Variants in NEBL observed in about 807,000 individuals in gnomAD.
NEBL encodes LIM and SH3 protein 2.
NEBL carries 122 observed loss-of-function variants against 140.2 expected under a neutral mutation model. The ratio of observed to expected loss-of-function variants is 0.87; its 90% CI spans 0.75 to 1.01. The LOEUF (loss-of-function observed/expected upper bound fraction) is 1.01, where lower values mean the gene tolerates loss of function less well. Among genes scored for constraint, NEBL ranks in the 50% least tolerant of loss-of-function variants. The pLI is 0.00. For missense variants in NEBL, 1,365 were observed against 1,231.3 expected (o/e 1.11, Z -1.62); for synonymous variants, 436 against 398.9 (o/e 1.09, Z -1.11).
At chr10:21,280,233 A>C (rs546758792) in intron 1 of NEBL, among the ~76,000 whole-genome samples, 1 of 152,290 alleles carries the variant, frequency 6.6e-6, no homozygotes, top group East Asian at 1.9e-4. Context: ...GGCCGAAGTC[A>C]CATGACCATC....
intron 4 of NEBL, among the ~76,000 whole-genome samples, chr10:20,908,424 C>A (rs1848190398): frequency 6.6e-6 from 1 of 152,104 alleles, no homozygotes; most frequent in African/African-American, 2.4e-5. Flanking sequence ...ACAATCTGGT[C>A]CCTGTGATCA....
intron 3 of NEBL, among the ~76,000 whole-genome samples, chr10:21,208,236 T>C (rs1296764410): frequency 6.6e-6 from 1 of 152,190 alleles, no homozygotes; most frequent in Non-Finnish European, 1.5e-5. Flanking sequence ...ATGACTCAGC[T>C]CATGGGGGTC....
At chr10:20,880,671 G>A in intron 5 of NEBL, 123 bp downstream of exon 5, 1 of 775,140 alleles carries the variant, frequency 1.3e-6, no homozygotes, top group Non-Finnish European at 2.3e-6. Context: ...TGACTGATAA[G>A]AAATATTAAA....
chr10:20,963,003 A>AAC (rs35031266), intron 3 of NEBL, among the ~76,000 whole-genome samples: 6,932 of 143,198 alleles, frequency 0.048, 305 homozygotes, highest in East Asian at 0.18. Context: ...TTGAAAGAAA[A>AAC]ACACACACAC....
intron 2 of NEBL, among the ~76,000 whole-genome samples, chr10:21,054,868 GAGTTAATTACCC>G (rs1423237031): frequency 6.6e-6 from 1 of 152,142 alleles, no homozygotes; most frequent in Non-Finnish European, 1.5e-5. Flanking sequence ...TGAAACTTGA[GAGTTAATTACCC>G]AGGCACTGCA....
At chr10:20,822,807 T>C (rs1839469170) in intron 19 of NEBL, among the ~76,000 whole-genome samples, 1 of 152,148 alleles carries the variant, frequency 6.6e-6, no homozygotes, top group Admixed American at 6.6e-5. Context: ...TATTATAGAT[T>C]CAAAGGTACA....
At chr10:20,863,145 T>C (rs1306868001) in intron 7 of NEBL, among the ~76,000 whole-genome samples, 1 of 152,168 alleles carries the variant, frequency 6.6e-6, no homozygotes, top group Non-Finnish European at 1.5e-5. Flanking sequence ...TCCCCATAAC[T>C]GCACAACTTC....
Position 20,837,642 on chromosome 10 carries a change from C to T in NEBL, c.1339-2019G>A, listed in dbSNP as rs114966199. Among the ~76,000 whole-genome samples the T allele has an allele frequency of 3.9e-3, 596 of 152,240 alleles. 8 individuals are homozygous for T. Among genetic ancestry groups the T allele is most frequent in the African/African-American group, 0.014 (561 of 41,526 alleles). On this transcript the variant is annotated intron_variant, in intron 13 of 27. Transcript: ENST00000377122. ...CAACAGATTTTTGATGCAGACAAAC[C>T]AGCCTTCTATTGGAAAAAGATGCCA...
At chr10:21,195,181 C>A (rs1841628995) in intron 3 of NEBL, among the ~76,000 whole-genome samples, 1 of 152,120 alleles carries the variant, frequency 6.6e-6, no homozygotes, top group South Asian at 2.1e-4. Context: ...TCAATCCAAG[C>A]AGTCACCCTA....
chr10:21,020,441 G>A (rs544134962), intron 2 of NEBL, among the ~76,000 whole-genome samples: 2 of 151,840 alleles, frequency 1.3e-5, no homozygotes, highest in African/African-American at 4.8e-5. Context: ...TTTTCTAAGC[G>A]CATCTTCACC....
chr10:20,895,514 A>G (rs1326667667), intron 2 of NEBL, among the ~76,000 whole-genome samples: 5 of 152,170 alleles, frequency 3.3e-5, no homozygotes, highest in African/African-American at 7.2e-5. Context: ...CCTAGCGCCT[A>G]CCTCGCAAGC....
chr10:20,916,519 A>G (rs1308597378), intron 4 of NEBL, among the ~76,000 whole-genome samples: 1 of 152,022 alleles, frequency 6.6e-6, no homozygotes, highest in Non-Finnish European at 1.5e-5. Context: ...AGACTCTCCT[A>G]CCTCAGCCTC....
intron 1 of NEBL, among the ~76,000 whole-genome samples, chr10:21,259,541 C>A (rs886705758): frequency 1.3e-5 from 2 of 152,150 alleles, no homozygotes; most frequent in African/African-American, 4.8e-5. Context: ...AGAGATAATA[C>A]CTGGTCATTG....
At chr10:20,786,721 T>C (rs1835442901) in intron 27 of NEBL, among the ~76,000 whole-genome samples, 1 of 152,188 alleles carries the variant, frequency 6.6e-6, no homozygotes, top group African/African-American at 2.4e-5. Flanking sequence ...AGAAGCCAAG[T>C]ATAACTAGCA....
intron 4 of NEBL, among the ~76,000 whole-genome samples, chr10:20,936,883 CTCATA>C (rs1223743920): frequency 2.0e-5 from 3 of 152,322 alleles, no homozygotes; most frequent in Non-Finnish European, 2.9e-5. Context: ...TAAACACTAG[CTCATA>C]TCACATACTC....
At chr10:21,139,838 G>A (rs1025464714) in intron 2 of NEBL, among the ~76,000 whole-genome samples, 1 of 151,918 alleles carries the variant, frequency 6.6e-6, no homozygotes, top group African/African-American at 2.4e-5. Flanking sequence ...AATAATCTTC[G>A]TACATTAGGG....
chr10:21,026,017 A>G (rs1034198780), intron 2 of NEBL, among the ~76,000 whole-genome samples: 3 of 152,152 alleles, frequency 2.0e-5, no homozygotes, highest in East Asian at 1.9e-4. Context: ...ACCTTCATCT[A>G]TATAGTCGGA....
intron 2 of NEBL, among the ~76,000 whole-genome samples, chr10:21,053,067 G>A (rs1834847087): frequency 6.6e-6 from 1 of 152,090 alleles, no homozygotes; most frequent in African/African-American, 2.4e-5. Context: ...GCCTTGATTT[G>A]ATCACTATAC....
intron 1 of NEBL, among the ~76,000 whole-genome samples, chr10:21,256,398 G>A (rs541953054): frequency 1.3e-5 from 2 of 152,304 alleles, no homozygotes; most frequent in South Asian, 2.1e-4. Context: ...GCCATAGGCT[G>A]AGGTATGCTG....
Sources: gnomAD v4.1 joint callset for allele counts (sites outside exome capture counted in the v4.1 genomes callset) on GRCh38, gnomAD v4.1.1 for gene constraint, MANE v1.5 for transcripts, NCBI Gene and HGNC (gene_info 2026-07-23, HGNC 2026-07-21) for gene names.